FARP1: variants seen among roughly 807,000 people sequenced by gnomAD.
The protein encoded by FARP1 is FERM, ARH/RhoGEF and pleckstrin domain protein 1.
Under a neutral mutation model 128.8 loss-of-function variants are expected in FARP1, and 52 were observed. The observed-to-expected ratio is 0.40, with a 90% CI of 0.32 to 0.51. The LOEUF (loss-of-function observed/expected upper bound fraction) is 0.51, where lower values mean the gene tolerates loss of function less well. Ranked by LOEUF, FARP1 falls within the 20% of genes least tolerant of loss-of-function variation. The probability of loss-of-function intolerance (pLI) is 0.45; values close to 1 mark genes in which losing one functional copy is unlikely to be tolerated. For synonymous variants in FARP1, 580 were observed against 551.8 expected, an observed-to-expected ratio of 1.05 and a Z score of -0.72; for missense variants, 1,333 against 1,367.9, an observed-to-expected ratio of 0.97 and a Z score of 0.40.
intron 18 of FARP1, chr13:98,433,259 C>G (rs1447200436): frequency 1.3e-5 from 2 of 152,162 alleles, no homozygotes; most frequent in Non-Finnish European, 2.9e-5. Context: ...CAGGCTTGTT[C>G]TAGAAAAACC....
rs373262211 is a variant in FARP1 at position 98,449,751 on chromosome 13, A to ATGTT, written c.*1436_*1439dup. ...CCTCACGCCACAATCCAGCATATTG[A>ATGTT]TGTTTTAAGGCAAAACAACCAACTT... On this transcript the variant is annotated 3_prime_UTR_variant, in exon 27 of 27. Coordinates refer to ENST00000319562, the MANE Select transcript of FARP1 (RefSeq NM_005766.4). 56 of 144,748 alleles carry ATGTT rather than the reference A, an allele frequency of 3.9e-4. No homozygotes were observed. Among genetic ancestry groups the ATGTT allele is most frequent in the African/African-American group, 1.3e-3 (52 of 38,792 alleles). 9.0% of individuals were successfully genotyped at this position (144,748 alleles called of 1,614,324 possible). A position where few individuals can be genotyped will look rare whatever the true frequency, so the allele number is the denominator to read the frequency against.
intron 2 of FARP1, among the ~76,000 whole-genome samples, chr13:98,297,806 T>C (rs1885764213): frequency 6.6e-6 from 1 of 152,196 alleles, no homozygotes; most frequent in African/African-American, 2.4e-5. Flanking sequence ...GAATGGAGTC[T>C]TCAGTGCTGT....
intron 1 of FARP1, among the ~76,000 whole-genome samples, chr13:98,171,166 C>T (rs1000605575): frequency 2.0e-5 from 3 of 152,206 alleles, no homozygotes; most frequent in Non-Finnish European, 4.4e-5. Flanking sequence ...CAATTCCCAA[C>T]ACCTCGTGCC....
intron 1 of FARP1, among the ~76,000 whole-genome samples, chr13:98,187,639 T>C (rs1199567613): frequency 6.6e-6 from 1 of 152,160 alleles, no homozygotes; most frequent in African/African-American, 2.4e-5. Context: ...TGATGAGAGC[T>C]GTGGAAGGCT....
chr13:98,309,640 G>A (rs1198270872), intron 2 of FARP1, among the ~76,000 whole-genome samples: 1 of 152,120 alleles, frequency 6.6e-6, no homozygotes, highest in Non-Finnish European at 1.5e-5. Flanking sequence ...GCTTAAAAAA[G>A]AATAAAAAGT....
rs1233316961 is a variant in FARP1 at position 98,395,385 on chromosome 13, C to T, written c.1323C>T (p.Asp441=). ...GCCCCGCGGGTAACAAGCAGGCGGA[C>T]GGAGCCGCCTCGGCGCCCACGGAGG... ...RRSPAGNKQA[D]GAASAPTEEE... is the part of the protein sequence containing the mutation. The change falls in exon 13 of 27, where the codon GAC becomes GAT. Residue 441 remains aspartate, a synonymous_variant. Transcript: ENST00000319562. 2 of 1,611,722 alleles carry T rather than the reference C, an allele frequency of 1.2e-6. No individual in the cohort carries two copies. The highest frequency in any genetic ancestry group is 1.7e-6 in the Non-Finnish European group (2 of 1,179,078).
intron 18 of FARP1, 132 bp downstream of exon 18, chr13:98,431,412 A>T: frequency 1.7e-6 from 1 of 583,986 alleles, no homozygotes; most frequent in Admixed American, 3.2e-5. Flanking sequence ...GGTTTTCATC[A>T]GGGTGGGCGC....
intron 2 of FARP1, among the ~76,000 whole-genome samples, chr13:98,318,187 C>G (rs560538409): frequency 4.6e-4 from 70 of 151,074 alleles, no homozygotes; most frequent in Non-Finnish European, 8.7e-4. Context: ...TCCCAGGTAG[C>G]TGTGACTACA....
intron 1 of FARP1, among the ~76,000 whole-genome samples, chr13:98,144,802 ACTTTAGGAGG>A (rs1406136204): frequency 2.0e-5 from 3 of 152,056 alleles, no homozygotes; most frequent in Non-Finnish European, 4.4e-5. Context: ...TGTTCCGGAG[ACTTTAGGAGG>A]GCCCTGCTTC....
chr13:98,439,286 C>CT (rs1201913232), intron 21 of FARP1, 90 bp downstream of exon 21: 3 of 863,048 alleles, frequency 3.5e-6, no homozygotes, highest in Admixed American at 2.2e-5. Context: ...GGGAAGGAGA[C>CT]TGGATAGGGA....
chr13:98,298,611 T>G (rs185548789), intron 2 of FARP1, among the ~76,000 whole-genome samples: 1 of 152,354 alleles, frequency 6.6e-6, no homozygotes, highest in Admixed American at 6.5e-5. Flanking sequence ...ACCCTTGTTT[T>G]GTTTTTGTCT....
At chr13:98,435,480 T>C in intron 18 of FARP1, 96 bp from the exon 19 acceptor site, 2 of 1,238,880 alleles carry the variant, frequency 1.6e-6, no homozygotes, top group African/African-American at 3.0e-5. Flanking sequence ...GTGCAGGGAC[T>C]GGAGTGATTT....
chr13:98,265,981 G>A (rs566670485), intron 2 of FARP1, among the ~76,000 whole-genome samples: 1 of 152,314 alleles, frequency 6.6e-6, no homozygotes, highest in African/African-American at 2.4e-5. Context: ...TCCCAAGGGT[G>A]ATGTAGATCA....
intron 24 of FARP1, among the ~76,000 whole-genome samples, chr13:98,444,078 GA>G: frequency 6.6e-6 from 1 of 151,824 alleles, no homozygotes; most frequent in South Asian, 2.1e-4. Context: ...GTCCCCACCT[GA>G]CAGCATCTGG....
At chr13:98,216,091 A>G (rs2139339278) in intron 2 of FARP1, among the ~76,000 whole-genome samples, 1 of 152,202 alleles carries the variant, frequency 6.6e-6, no homozygotes, top group African/African-American at 2.4e-5. Flanking sequence ...ACCTGGCCAT[A>G]TTTTAATTTT....
chr13:98,366,715 G>A (rs1889101329), intron 4 of FARP1, among the ~76,000 whole-genome samples: 9 of 152,282 alleles, frequency 5.9e-5, no homozygotes, highest in Admixed American at 5.2e-4. Context: ...CTGAGTAGCC[G>A]CTCAGTGAAA....
At chr13:98,210,482 C>T (rs1434595650) in intron 1 of FARP1, among the ~76,000 whole-genome samples, 1 of 152,146 alleles carries the variant, frequency 6.6e-6, no homozygotes, top group African/African-American at 2.4e-5. Context: ...ACCTCCCCCT[C>T]CTACTTCCTC....
At chr13:98,350,634 G>A (rs1038002593) in intron 3 of FARP1, among the ~76,000 whole-genome samples, 2 of 152,074 alleles carry the variant, frequency 1.3e-5, no homozygotes, top group African/African-American at 4.8e-5. Flanking sequence ...CCTTCCCTGT[G>A]CTCCTCCAGT....
At chr13:98,172,060 GAGA>G (rs1160991407) in intron 1 of FARP1, among the ~76,000 whole-genome samples, 5 of 152,280 alleles carry the variant, frequency 3.3e-5, no homozygotes, top group African/African-American at 4.8e-5. Flanking sequence ...TGGTAACAAA[GAGA>G]AGATGTCACC....
Sources: allele counts gnomAD v4.1 joint callset (sites outside exome capture counted in the v4.1 genomes callset), GRCh38; gene constraint gnomAD v4.1.1; transcripts MANE v1.5; gene names NCBI Gene and HGNC (gene_info 2026-07-23, HGNC 2026-07-21).